ERCC5: variants seen among roughly 807,000 people sequenced by gnomAD.
ERCC5 encodes the protein DNA excision repair protein ERCC-5.
A neutral mutation model predicts 105.6 loss-of-function variants in ERCC5; 68 were observed. The ratio of observed to expected loss-of-function variants is 0.64; its 90% CI spans 0.53 to 0.79. The LOEUF is 0.79. Ranked by LOEUF, ERCC5 falls within the 30% of genes least tolerant of loss-of-function variation. The pLI is 0.00. For missense variants in ERCC5, 1,373 were observed against 1,426.7 expected, an observed-to-expected ratio of 0.96 and a Z score of 0.61; for synonymous variants, 546 against 526.2, an observed-to-expected ratio of 1.04 and a Z score of -0.51.
rs1052273925 is a variant in ERCC5, at chr13:102,874,345, TC to T, written c.2965-955del. 2.6e-5 allele frequency among the ~76,000 whole-genome samples: 4 copies of T among 152,106 alleles called. No homozygotes were observed. The East Asian group carries it at 5.8e-4, about 22-fold the overall frequency. On this transcript the variant is annotated intron_variant, in intron 14 of 14. Transcript: ENST00000652225. ...AAATGTAACTTAATAGATCTAATCC[TC>T]CCCCCCAACTTATTAGCATATTTTC...
At position 102,853,752 on chromosome 13, in the gene ERCC5, C is replaced by T. The variant is rs752548779; in HGVS notation, c.265-5C>T. 1 of 1,612,930 alleles carries T rather than the reference C, an allele frequency of 6.2e-7. No individual in the cohort carries two copies. The highest frequency in any genetic ancestry group is 8.5e-7 in the Non-Finnish European group (1 of 1,178,958). On this transcript the variant is annotated splice_region_variant and splice_polypyrimidine_tract_variant and intron_variant, in intron 2 of 14. Coordinates refer to ENST00000652225, the MANE Select transcript of ERCC5 (RefSeq NM_000123.4). ...AGTGAGATCTTACATCCTTTCTTCTCATAGGTGAAGAGAAGGCAGAGAAAG... is the reference window on the plus strand; with the variant it reads ...AGTGAGATCTTACATCCTTTCTTCTTATAGGTGAAGAGAAGGCAGAGAAAG...
intron 11 of ERCC5, among the ~76,000 whole-genome samples, chr13:102,867,781 A>G (rs930564132): frequency 1.1e-4 from 16 of 152,104 alleles, no homozygotes; most frequent in African/African-American, 3.9e-4. Context: ...TCAGGTTTGG[A>G]TATGATAAAT....
intron 8 of ERCC5, among the ~76,000 whole-genome samples, chr13:102,863,703 C>T (rs370249328): frequency 1.3e-5 from 2 of 152,302 alleles, no homozygotes; most frequent in African/African-American, 4.8e-5. Flanking sequence ...TGAGTTGCCA[C>T]ACTGTCCCCT....
intron 10 of ERCC5, 94 bp downstream of exon 10, chr13:102,866,475 G>C (rs1465886887): frequency 6.2e-7 from 1 of 1,609,006 alleles, no homozygotes; most frequent in Non-Finnish European, 8.5e-7. Flanking sequence ...GCCCCCTGGT[G>C]CTCAGGGCCT....
In ERCC5 at chr13:102,875,362, C is replaced by CT. The variant is rs750711679; in HGVS notation, c.3021dup (p.Lys1008Ter). ...TTAGCACAACAGGAGAAAGAAGATG[C>CT]TAAACGTATTAAGAGCCAGAGACTA... On this transcript the variant is annotated frameshift_variant, in exon 15 of 15. Transcript: ENST00000652225. LOFTEE classifies it low-confidence loss of function (END_TRUNC). The CT allele has an allele frequency of 4.3e-6, 7 of 1,613,830 alleles. No individual in the cohort carries two copies. Among genetic ancestry groups the CT allele is most frequent in the Non-Finnish European group, 5.1e-6 (6 of 1,179,992 alleles).
chr13:102,847,175 A>G (rs776108423), intron 1 of ERCC5, among the ~76,000 whole-genome samples: 66 of 152,220 alleles, frequency 4.3e-4, no homozygotes, highest in Admixed American at 1.8e-3. Flanking sequence ...TTGACTTTTT[A>G]AGGACTATTG....
intron 7 of ERCC5, 116 bp downstream of exon 7, chr13:102,861,830 AC>A (rs1882630916): frequency 2.2e-6 from 3 of 1,367,066 alleles, no homozygotes; most frequent in Non-Finnish European, 1.0e-6. Context: ...TTATGTAATA[AC>A]TGTATACTGC....
chr13:102,849,489 A>G (rs1399288077), intron 1 of ERCC5: 1 of 510,644 alleles, frequency 2.0e-6, no homozygotes, highest in Non-Finnish European at 3.9e-6. Context: ...GGTATTGCTA[A>G]ATATTATAGA....
rs189280373 is a variant in ERCC5 at position 102,863,083 on chromosome 13, C to G, written c.1934C>G (p.Ser645Trp). Reference sequence around the variant, plus strand: ...GCCGTGGAACCAATGGAAATTGACTCGGAAGAAAGTGAATCTGATGGTACG... The same window carrying G: ...GCCGTGGAACCAATGGAAATTGACTGGGAAGAAAGTGAATCTGATGGTACG... Reference protein sequence around the residue: ...PKAVEPMEIDSEESESDGSFI... With the variant: ...PKAVEPMEIDWEESESDGSFI... Residue 645 changes from serine (S) to tryptophan (W), a missense_variant, in exon 8 of 15, where the codon TCG becomes TGG. Transcript: ENST00000652225. 1.9e-6 allele frequency: 3 copies of G among 1,613,712 alleles called. No individual in the cohort carries two copies. Among genetic ancestry groups the G allele is most frequent in the African/African-American group, 2.7e-5 (2 of 74,906 alleles).
Position 102,862,758 on chromosome 13 carries a change from G to A in ERCC5, c.1609G>A (p.Glu537Lys). The change falls in exon 8 of 15, where the codon GAA (glutamate) becomes AAA (lysine). Residue 537 changes from glutamate (E) to lysine (K), a missense_variant. By Grantham distance (56) the Glu-to-Lys change is moderately conservative (BLOSUM62 1). This residue lies in a region of ERCC5 where 1,004 missense variants were observed against 1,059.7 expected (regional missense o/e 0.95). Coordinates refer to ENST00000652225, the MANE Select transcript of ERCC5 (RefSeq NM_000123.4). ...TTGTACAAATTCTGTGTCAAAGAAT[G>A]AAACACATGCTGAAGTGCTTGAGCA... is the stretch of plus-strand genomic sequence containing the variant. ...PTCTNSVSKNETHAEVLEQQN... is the reference protein window; with the variant it reads ...PTCTNSVSKNKTHAEVLEQQN... 1.2e-6 allele frequency: 2 copies of A among 1,614,204 alleles called. No individual in the cohort carries two copies. Among genetic ancestry groups the A allele is most frequent in the Non-Finnish European group, 1.7e-6 (2 of 1,180,026 alleles).
chr13:102,866,059 T>A, intron 9 of ERCC5, 148 bp downstream of exon 9: 1 of 1,519,992 alleles, frequency 6.6e-7, no homozygotes. Context: ...TGTAGGTTAC[T>A]GGCTGGGATA....
intron 4 of ERCC5, 60 bp from the exon 5 acceptor site, chr13:102,855,992 G>A: frequency 4.5e-6 from 7 of 1,542,224 alleles, no homozygotes; most frequent in Non-Finnish European, 2.7e-6. Flanking sequence ...TTGCATACAA[G>A]TATTTTTGTA....
chr13:102,849,694 C>A (rs1882123430), intron 1 of ERCC5, among the ~76,000 whole-genome samples: 1 of 152,070 alleles, frequency 6.6e-6, no homozygotes, highest in African/African-American at 2.4e-5. Context: ...AAAGGGAGTG[C>A]AGTGCACAAA....
At chr13:102,864,563 A>G (rs1333504687) in intron 8 of ERCC5, among the ~76,000 whole-genome samples, 1 of 152,204 alleles carries the variant, frequency 6.6e-6, no homozygotes. Context: ...GCTCCTTCTA[A>G]TGGCTTTCAG....
intron 6 of ERCC5, among the ~76,000 whole-genome samples, chr13:102,860,815 G>A (rs1037928261): frequency 6.6e-6 from 1 of 152,080 alleles, no homozygotes; most frequent in Non-Finnish European, 1.5e-5. Flanking sequence ...TGTGATTACT[G>A]TGATTTATTG....
chr13:102,863,144 T>A, intron 8 of ERCC5, 41 bp downstream of exon 8: 1 of 1,598,776 alleles, frequency 6.3e-7, no homozygotes, highest in South Asian at 1.1e-5. Context: ...AACGGTAGGA[T>A]TTCCCCTCTG....
chr13:102,875,755 TG>T lies in ERCC5; in HGVS notation c.3414del (p.Lys1139ArgfsTer25), dbSNP rs1883198761. On this transcript the variant is annotated frameshift_variant, in exon 15 of 15. Coordinates refer to ENST00000652225, the MANE Select transcript of ERCC5 (RefSeq NM_000123.4). LOFTEE classifies it low-confidence loss of function (END_TRUNC). ...CAGAACTCAGTGAAGGAAGCTCCCG[TG>T]AAGAATGGAGGTGCGACCACCAGCA... ...DSQNSVKEAP[V>X]KNGGATTSSS... 1.2e-6 allele frequency: 2 copies of T among 1,613,940 alleles called. No individual in the cohort carries two copies. Among genetic ancestry groups the T allele is most frequent in the Non-Finnish European group, 1.7e-6 (2 of 1,180,002 alleles).
chr13:102,862,250 G>T lies in ERCC5; in HGVS notation c.1101G>T (p.Arg367Ser). The T allele has an allele frequency of 6.2e-7, 1 of 1,614,142 alleles. No homozygotes were observed. The highest frequency in any genetic ancestry group is 8.5e-7 in the Non-Finnish European group (1 of 1,180,040). Residue 367 changes from arginine (R) to serine (S), a missense_variant, in exon 8 of 15, where the codon AGG (arginine) becomes AGT (serine). Physicochemically the swap from Arg to Ser is moderately radical, Grantham distance 110 (BLOSUM62 -1). Coordinates refer to ENST00000652225, the MANE Select transcript of ERCC5 (RefSeq NM_000123.4). ...SEEELESENRRQARGRNAPAA... is the reference protein window; with the variant it reads ...SEEELESENRSQARGRNAPAA... Reference sequence around the variant, plus strand: ...AGGAGCTGGAGAGTGAAAATCGAAGGCAGGCCCGTGGGAGGAACGCACCTG... The same window carrying T: ...AGGAGCTGGAGAGTGAAAATCGAAGTCAGGCCCGTGGGAGGAACGCACCTG...
In ERCC5 at chr13:102,853,061, A is replaced by G. The variant is rs140123454; in HGVS notation, c.265-696A>G. 1.6e-4 allele frequency among the ~76,000 whole-genome samples: 24 copies of G among 152,346 alleles called. No individual in the cohort carries two copies. The East Asian group carries it at 4.6e-3, about 29-fold the overall frequency. The stretch of plus-strand genomic sequence containing the variant: ...TACTCTCTAAATGAGGATATAGGAT[A>G]AAAGTAAGGATATAGGATAAAAATA... On this transcript the variant is annotated intron_variant, in intron 2 of 14. Transcript: ENST00000652225.
Sources: allele counts gnomAD v4.1 joint callset (sites outside exome capture counted in the v4.1 genomes callset), GRCh38; gene constraint gnomAD v4.1.1; regional missense constraint gnomAD v4.1.1; transcripts MANE v1.5; gene names NCBI Gene and HGNC (gene_info 2026-07-23, HGNC 2026-07-21).